HSD17B12: variants seen among roughly 807,000 people sequenced by gnomAD.
The protein encoded by HSD17B12 is hydroxysteroid 17-beta dehydrogenase 12.
A neutral mutation model predicts 39.3 loss-of-function variants in HSD17B12; 32 were observed. That is an observed-to-expected ratio of 0.81 (90% CI 0.61 to 1.09). HSD17B12 has a LOEUF of 1.09. HSD17B12 is among the 50% of genes least tolerant of loss of function. HSD17B12 has a pLI of 0.00. For missense variants in HSD17B12, 342 were observed against 382.9 expected (o/e 0.89, Z 0.89); for synonymous variants, 150 against 146.7 (o/e 1.02, Z -0.16).
the HSD17B12 span, among the ~76,000 whole-genome samples, chr11:43,619,246 A>ATC: frequency 3.7e-5 from 1 of 26,736 alleles, no homozygotes; most frequent in Middle Eastern, 0.028. Flanking sequence ...TATATATAAA[A>ATC]TATATATATA....
the HSD17B12 span, among the ~76,000 whole-genome samples, chr11:43,669,672 A>T: frequency 6.6e-6 from 1 of 152,128 alleles, no homozygotes; most frequent in Admixed American, 6.5e-5. Context: ...CCTTGGCTGG[A>T]AACTGTATTA....
chr11:43,824,758 G>C (rs1049028965), intron 6 of HSD17B12, among the ~76,000 whole-genome samples: 1 of 152,242 alleles, frequency 6.6e-6, no homozygotes, highest in Non-Finnish European at 1.5e-5. Context: ...CATTTTGGGA[G>C]GCTGAGATGG....
At chr11:43,628,098 A>G in the HSD17B12 span, among the ~76,000 whole-genome samples, 2 of 151,076 alleles carry the variant, frequency 1.3e-5, no homozygotes, top group African/African-American at 2.4e-5. Context: ...GTGATACCCC[A>G]TTTTGCTGAA....
chr11:43,640,774 A>C, the HSD17B12 span, among the ~76,000 whole-genome samples: 1 of 152,172 alleles, frequency 6.6e-6, no homozygotes, highest in Non-Finnish European at 1.5e-5. Context: ...AGAAACTACT[A>C]TCTGTGATAA....
chr11:43,838,858 G>A (rs573956660), intron 8 of HSD17B12, among the ~76,000 whole-genome samples: 2 of 152,124 alleles, frequency 1.3e-5, no homozygotes, highest in African/African-American at 2.4e-5. Flanking sequence ...TAGACTGGGC[G>A]AGAGTGTATT....
At chr11:43,736,612 G>A (rs1348615862) in intron 1 of HSD17B12, among the ~76,000 whole-genome samples, 1 of 152,146 alleles carries the variant, frequency 6.6e-6, no homozygotes, top group African/African-American at 2.4e-5. Context: ...ATATCTGGGT[G>A]TATGCATAAA....
intron 1 of HSD17B12, chr11:43,681,211 T>C (rs1479721959): frequency 7.8e-6 from 10 of 1,274,300 alleles, no homozygotes; most frequent in Admixed American, 3.7e-5. Flanking sequence ...CGCTCAATCC[T>C]GGGAATCTAA....
intron 3 of HSD17B12, among the ~76,000 whole-genome samples, chr11:43,766,158 C>A (rs1950593784): frequency 1.3e-5 from 2 of 152,198 alleles, no homozygotes; most frequent in Non-Finnish European, 2.9e-5. Context: ...TCTCTAGTTT[C>A]TTGAACATAT....
At chr11:43,724,581 T>A (rs111778483) in intron 1 of HSD17B12, among the ~76,000 whole-genome samples, 2,839 of 152,214 alleles carry the variant, frequency 0.019, 35 homozygotes, top group Non-Finnish European at 0.025. Flanking sequence ...GAGGGACTGT[T>A]TCCTGGTTCA....
At chr11:43,689,679 T>G (rs1949834067) in intron 1 of HSD17B12, among the ~76,000 whole-genome samples, 1 of 152,124 alleles carries the variant, frequency 6.6e-6, no homozygotes, top group African/African-American at 2.4e-5. Context: ...CCCAAGTAGC[T>G]GGGACTACAG....
chr11:43,643,567 A>T, the HSD17B12 span, among the ~76,000 whole-genome samples: 1 of 152,208 alleles, frequency 6.6e-6, no homozygotes, highest in Non-Finnish European at 1.5e-5. Flanking sequence ...AGTGAAAGGG[A>T]AACCAAAGTA....
At chr11:43,696,752 G>A (rs759419428) in intron 1 of HSD17B12, among the ~76,000 whole-genome samples, 1 of 152,106 alleles carries the variant, frequency 6.6e-6, no homozygotes, top group African/African-American at 2.4e-5. Flanking sequence ...GCGAAGACAT[G>A]GAACCAACTC....
At chr11:43,705,622 G>A (rs183880573) in intron 1 of HSD17B12, among the ~76,000 whole-genome samples, 1 of 152,014 alleles carries the variant, frequency 6.6e-6, no homozygotes, top group Non-Finnish European at 1.5e-5. Flanking sequence ...CATCCTGGGG[G>A]TATCATCTTA....
intron 6 of HSD17B12, among the ~76,000 whole-genome samples, chr11:43,821,649 A>G (rs993713836): frequency 3.9e-5 from 6 of 152,194 alleles, no homozygotes; most frequent in African/African-American, 1.4e-4. Flanking sequence ...TTGAACTGCT[A>G]TTGATTGCTA....
chr11:43,721,448 C>G (rs1465258014), intron 1 of HSD17B12, among the ~76,000 whole-genome samples: 1 of 152,064 alleles, frequency 6.6e-6, no homozygotes, highest in East Asian at 1.9e-4. Context: ...GAAACCCCAT[C>G]TCTACTAAAA....
chr11:43,816,180 G>A (rs1283710051), intron 5 of HSD17B12, among the ~76,000 whole-genome samples, 167 bp from the exon 6 acceptor site: 1 of 151,970 alleles, frequency 6.6e-6, no homozygotes, highest in Admixed American at 6.6e-5. Context: ...AATATAACAC[G>A]GAGAGTAAAA....
At chr11:43,673,670 T>C in the HSD17B12 span, among the ~76,000 whole-genome samples, 1 of 149,882 alleles carries the variant, frequency 6.7e-6, no homozygotes, top group African/African-American at 2.5e-5. Flanking sequence ...TTTGTTTGTT[T>C]GTTTGTTTGT....
chr11:43,653,208 A>T, the HSD17B12 span, among the ~76,000 whole-genome samples: 1 of 152,172 alleles, frequency 6.6e-6, no homozygotes, highest in Non-Finnish European at 1.5e-5. Flanking sequence ...TATGGGAGTT[A>T]TGAGCCAGGA....
chr11:43,677,833 A>G (rs962960823), upstream of HSD17B12, among the ~76,000 whole-genome samples: 1 of 152,198 alleles, frequency 6.6e-6, no homozygotes, highest in Non-Finnish European at 1.5e-5. Flanking sequence ...TTGTTAATCC[A>G]GTCTATCATT....
Sources: allele counts gnomAD v4.1 joint callset (sites outside exome capture counted in the v4.1 genomes callset), GRCh38; gene constraint gnomAD v4.1.1; transcripts MANE v1.5; gene names NCBI Gene and HGNC (gene_info 2026-07-23, HGNC 2026-07-21).